Variants in ARHGEF11 observed in about 807,000 individuals in gnomAD.
ARHGEF11 encodes Rho guanine nucleotide exchange factor 11.
A neutral mutation model predicts 193.7 loss-of-function variants in ARHGEF11; 55 were observed. The observed-to-expected ratio is 0.28, with a 90% CI of 0.23 to 0.36. The LOEUF (loss-of-function observed/expected upper bound fraction) is 0.36, where lower values mean the gene tolerates loss of function less well. Ranked by LOEUF, ARHGEF11 falls within the 10% of genes least tolerant of loss-of-function variation. The probability of loss-of-function intolerance (pLI) is 1.00; values close to 1 mark genes in which losing one functional copy is unlikely to be tolerated. For missense variants in ARHGEF11, 1,723 were observed against 2,005.6 expected (o/e 0.86, Z 2.69); for synonymous variants, 693 against 768.0 (o/e 0.90, Z 1.62).
At chr1:156,959,941 C>A (rs374854888) in intron 15 of ARHGEF11, among the ~76,000 whole-genome samples, 10 of 96,122 alleles carry the variant, frequency 1.0e-4, no homozygotes, top group East Asian at 4.9e-4. Flanking sequence ...CTCCCCCCCC[C>A]CCAAAAAAAA....
chr1:156,946,000 C>G, intron 29 of ARHGEF11, 45 bp downstream of exon 29: 1 of 1,514,130 alleles, frequency 6.6e-7, no homozygotes, highest in South Asian at 1.1e-5. Flanking sequence ...GAGGGTCTGG[C>G]ACGAGGCCCA....
chr1:157,026,338 C>T (rs1236068844), intron 1 of ARHGEF11, among the ~76,000 whole-genome samples: 1 of 152,182 alleles, frequency 6.6e-6, no homozygotes, highest in Non-Finnish European at 1.5e-5. Context: ...CCTCCTAGAA[C>T]ACACACACAA....
At chr1:156,967,884 G>C in intron 11 of ARHGEF11, 103 bp downstream of exon 11, 2 of 1,542,084 alleles carry the variant, frequency 1.3e-6, no homozygotes, top group South Asian at 2.3e-5. Context: ...TGCTGAAGCA[G>C]GGGTTTAGTC....
chr1:156,982,615 T>C (rs1664343946), intron 3 of ARHGEF11, among the ~76,000 whole-genome samples: 1 of 152,158 alleles, frequency 6.6e-6, no homozygotes, highest in South Asian at 2.1e-4. Flanking sequence ...CTGTAAGCCA[T>C]CTTTTCCTTC....
intron 22 of ARHGEF11, among the ~76,000 whole-genome samples, chr1:156,949,374 G>A (rs901103432): frequency 1.2e-4 from 18 of 152,110 alleles, no homozygotes; most frequent in African/African-American, 4.1e-4. Context: ...TGGCCCTGTT[G>A]GGCTGGTTTT....
chr1:156,942,030 A>C, intron 33 of ARHGEF11, 41 bp from the exon 34 acceptor site: 1 of 1,613,488 alleles, frequency 6.2e-7, no homozygotes. Flanking sequence ...AGTGAGAGCA[A>C]GATAGCAGCA....
At chr1:156,971,670 T>C in intron 8 of ARHGEF11, 27 bp downstream of exon 8, 1 of 1,609,598 alleles carries the variant, frequency 6.2e-7, no homozygotes, top group Non-Finnish European at 8.5e-7. Context: ...CATGTGCCCT[T>C]ACTAGAGCTG....
chr1:156,944,558 C>T (rs1657770834), intron 30 of ARHGEF11, 125 bp from the exon 31 acceptor site: 1 of 1,002,730 alleles, frequency 1.0e-6, no homozygotes. Context: ...AAGTCCTTGC[C>T]CTTACTCTCT....
intron 3 of ARHGEF11, among the ~76,000 whole-genome samples, chr1:156,982,192 G>GC (rs1553214994): frequency 6.9e-6 from 1 of 144,656 alleles, no homozygotes; most frequent in African/African-American, 2.6e-5. Flanking sequence ...ATAACTTAGT[G>GC]TTTTTTTTTT....
chr1:157,042,959 C>G (rs1672940661), intron 1 of ARHGEF11, among the ~76,000 whole-genome samples: 1 of 152,204 alleles, frequency 6.6e-6, no homozygotes, highest in Non-Finnish European at 1.5e-5. Context: ...GAGAGGCCAA[C>G]AGAAAGGAGG....
chr1:156,939,923 CAG>C lies in ARHGEF11; in HGVS notation c.3734-15_3734-14del. 6.3e-7 allele frequency: 1 copy of C among 1,599,246 alleles called. No individual in the cohort carries two copies. On this transcript the variant is annotated splice_polypyrimidine_tract_variant and intron_variant, in intron 36 of 40. Transcript: ENST00000368194. ...CGCAGGTTCTCCACTGGAGGGGAAA[CAG>C]GGTGATGTCTTCCCAGCATGGGACT...
At chr1:157,022,430 C>T (rs1670104015) in intron 1 of ARHGEF11, among the ~76,000 whole-genome samples, 1 of 152,012 alleles carries the variant, frequency 6.6e-6, no homozygotes, top group African/African-American at 2.4e-5. Flanking sequence ...TTCACAATAG[C>T]ATTAAAGAGA....
At chr1:157,028,213 A>C (rs1466607591) in intron 1 of ARHGEF11, among the ~76,000 whole-genome samples, 1 of 152,234 alleles carries the variant, frequency 6.6e-6, no homozygotes, top group Non-Finnish European at 1.5e-5. Context: ...GATCAGGACA[A>C]GCAAGTCACA....
At chr1:156,992,195 C>T (rs572501681) in intron 1 of ARHGEF11, among the ~76,000 whole-genome samples, 1 of 152,302 alleles carries the variant, frequency 6.6e-6, no homozygotes, top group South Asian at 2.1e-4. Context: ...AATACCTATA[C>T]ATATTCTTAT....
chr1:156,947,674 C>T, intron 25 of ARHGEF11, 95 bp downstream of exon 25: 1 of 1,491,162 alleles, frequency 6.7e-7, no homozygotes, highest in South Asian at 1.3e-5. Flanking sequence ...GGGCCCCCCA[C>T]CCTATTTACC....
chr1:156,947,437 A>G lies in ARHGEF11; in HGVS notation c.2355T>C (p.Thr785=), dbSNP rs753758177. ...GGAGTGTGCGCAGGTGGGAAGCTTCAGTCACAAACAGCTCTGAGCGGTGGT... is the reference window on the plus strand; with the variant it reads ...GGAGTGTGCGCAGGTGGGAAGCTTCGGTCACAAACAGCTCTGAGCGGTGGT... ...RQEVINELFV[T]EASHLRTLRV... Residue 785 remains threonine (T), a synonymous_variant, in exon 26 of 41, where the codon ACT becomes ACC. Coordinates refer to ENST00000368194, the MANE Select transcript of ARHGEF11 (RefSeq NM_198236.3). 1 of 1,606,004 alleles carries G rather than the reference A, an allele frequency of 6.2e-7. No individual in the cohort carries two copies. Among genetic ancestry groups the G allele is most frequent in the Non-Finnish European group, 8.5e-7 (1 of 1,177,168 alleles).
chr1:156,960,572 A>G (rs1464846483), intron 14 of ARHGEF11, 112 bp from the exon 15 acceptor site: 2 of 883,960 alleles, frequency 2.3e-6, no homozygotes, highest in Non-Finnish European at 1.8e-6. Context: ...CTTTTCGCCT[A>G]CATCTGCCTA....
intron 1 of ARHGEF11, among the ~76,000 whole-genome samples, chr1:157,028,431 A>G (rs1022022537): frequency 2.0e-5 from 3 of 152,240 alleles, no homozygotes; most frequent in Admixed American, 6.5e-5. Flanking sequence ...ACAGGCGTAG[A>G]AAGGTTAAGT....
intron 1 of ARHGEF11, among the ~76,000 whole-genome samples, chr1:157,039,432 A>G (rs540320540): frequency 1.4e-4 from 21 of 152,214 alleles, no homozygotes; most frequent in Non-Finnish European, 3.1e-4. Context: ...CTACTAACTC[A>G]GATGTTGTGT....
Sources: gnomAD v4.1 joint callset for allele counts (sites outside exome capture counted in the v4.1 genomes callset) on GRCh38, gnomAD v4.1.1 for gene constraint, MANE v1.5 for transcripts, NCBI Gene and HGNC (gene_info 2026-07-23, HGNC 2026-07-21) for gene names.